Variants in RALYL observed in about 807,000 individuals in gnomAD.
RALYL encodes RNA-binding Raly-like protein.
In RALYL, 29 loss-of-function variants were observed where a neutral mutation model predicts 35.1. The observed-to-expected ratio is 0.83, with a 90% CI of 0.61 to 1.13. The LOEUF (loss-of-function observed/expected upper bound fraction) is 1.13. RALYL is among the 50% of genes most tolerant of loss of function. The probability of loss-of-function intolerance (pLI) is 0.00; values close to 1 mark genes in which losing one functional copy is unlikely to be tolerated. For synonymous variants in RALYL, 120 were observed against 127.6 expected, an observed-to-expected ratio of 0.94 and a Z score of 0.40; for missense variants, 359 against 360.4, an observed-to-expected ratio of 1.00 and a Z score of 0.03.
chr8:84,751,713 C>T (rs922740487), intron 2 of RALYL, among the ~76,000 whole-genome samples: 1 of 152,104 alleles, frequency 6.6e-6, no homozygotes, highest in Admixed American at 6.6e-5. Context: ...CTCCCCACAA[C>T]CTTCCTCCTG....
intron 1 of RALYL, among the ~76,000 whole-genome samples, chr8:84,287,778 T>G (rs183462629): frequency 6.6e-6 from 1 of 152,270 alleles, no homozygotes; most frequent in Non-Finnish European, 1.5e-5. Context: ...ATCCAATCGT[T>G]TCAGGAATTG....
At chr8:84,797,052 T>TA (rs1201276056) in intron 3 of RALYL, among the ~76,000 whole-genome samples, 3 of 152,188 alleles carry the variant, frequency 2.0e-5, no homozygotes, top group Admixed American at 6.5e-5. Context: ...GGATGATTTA[T>TA]AAAAAATGTA....
At chr8:84,828,184 G>T (rs1478573785) in intron 4 of RALYL, among the ~76,000 whole-genome samples, 2 of 151,996 alleles carry the variant, frequency 1.3e-5, no homozygotes, top group Admixed American at 1.3e-4. Flanking sequence ...TTAATTTTAT[G>T]CATATGATAA....
chr8:84,313,768 CA>C (rs1412222986), intron 1 of RALYL, among the ~76,000 whole-genome samples: 1 of 152,142 alleles, frequency 6.6e-6, no homozygotes, highest in African/African-American at 2.4e-5. Flanking sequence ...GCATTTTGGT[CA>C]AAACCATTCA....
At chr8:84,444,199 C>T (rs145298763) in intron 1 of RALYL, among the ~76,000 whole-genome samples, 133 of 152,014 alleles carry the variant, frequency 8.7e-4, no homozygotes, top group Admixed American at 6.8e-3. Flanking sequence ...CATTGTGGTG[C>T]GTGTCTATAG....
chr8:84,856,219 A>G (rs1836948934), intron 5 of RALYL, among the ~76,000 whole-genome samples: 2 of 152,326 alleles, frequency 1.3e-5, no homozygotes, highest in African/African-American at 4.8e-5. Flanking sequence ...TTAAGCTTGG[A>G]TAAGTCATCT....
At chr8:84,375,314 C>T (rs937138714) in intron 1 of RALYL, among the ~76,000 whole-genome samples, 4 of 151,732 alleles carry the variant, frequency 2.6e-5, no homozygotes, top group Non-Finnish European at 5.9e-5. Flanking sequence ...ACAAACTGTC[C>T]TAGTTTCCAG....
At chr8:84,622,991 G>A (rs1821899262) in intron 2 of RALYL, among the ~76,000 whole-genome samples, 1 of 152,086 alleles carries the variant, frequency 6.6e-6, no homozygotes, top group African/African-American at 2.4e-5. Flanking sequence ...ATCTCTTAAG[G>A]CATTGTGCAC....
intron 1 of RALYL, among the ~76,000 whole-genome samples, chr8:84,417,429 A>G (rs2044843167): frequency 6.6e-6 from 1 of 151,896 alleles, no homozygotes; most frequent in Non-Finnish European, 1.5e-5. Context: ...AGCATGGCTT[A>G]TTTTCTTTTC....
At chr8:84,650,821 C>A (rs1351531912) in intron 2 of RALYL, among the ~76,000 whole-genome samples, 1 of 151,878 alleles carries the variant, frequency 6.6e-6, no homozygotes, top group Non-Finnish European at 1.5e-5. Context: ...TGGAACCAAC[C>A]CAAATGTCCA....
chr8:84,620,655 A>G (rs1821130524), intron 2 of RALYL, among the ~76,000 whole-genome samples: 1 of 152,076 alleles, frequency 6.6e-6, no homozygotes, highest in East Asian at 1.9e-4. Context: ...ATTCCTTTGG[A>G]GGAGGAGAGG....
Position 84,862,276 on chromosome 8 carries a change from C to A in RALYL, c.414-20C>A. ...CTCGGGCATCAAACCAACTCTCAGT[C>A]CCATTTGTGTTTTGTAAAGGTTATT... On this transcript the variant is annotated intron_variant, in intron 5 of 8. Coordinates refer to ENST00000521268, the MANE Select transcript of RALYL (RefSeq NM_173848.7). The A allele has an allele frequency of 6.8e-7, 1 of 1,470,012 alleles. No homozygotes were observed. Among genetic ancestry groups the A allele is most frequent in the South Asian group, 1.4e-5 (1 of 69,860 alleles). The allele number at this position is 1,470,012 out of a possible 1,614,324, so 91.1% of individuals were successfully genotyped here. A position where few individuals can be genotyped will look rare whatever the true frequency, so the allele number is the denominator to read the frequency against.
At chr8:84,625,363 A>T (rs1470427860) in intron 2 of RALYL, among the ~76,000 whole-genome samples, 1 of 152,180 alleles carries the variant, frequency 6.6e-6, no homozygotes, top group Non-Finnish European at 1.5e-5. Context: ...CTCCTGTGCT[A>T]AATTTTAGTA....
At chr8:84,822,169 G>C (rs1004077032) in intron 4 of RALYL, among the ~76,000 whole-genome samples, 2 of 152,092 alleles carry the variant, frequency 1.3e-5, no homozygotes, top group Non-Finnish European at 2.9e-5. Context: ...GTATATTATA[G>C]CCCAATTGGA....
chr8:84,642,276 CTTTG>C (rs1293500639), intron 2 of RALYL, among the ~76,000 whole-genome samples: 2 of 151,972 alleles, frequency 1.3e-5, no homozygotes, highest in Non-Finnish European at 2.9e-5. Flanking sequence ...CATAGCTAAA[CTTTG>C]TTTGCCCTGA....
chr8:84,263,879 C>T (rs1832772604), intron 1 of RALYL, among the ~76,000 whole-genome samples: 1 of 152,114 alleles, frequency 6.6e-6, no homozygotes, highest in Non-Finnish European at 1.5e-5. Flanking sequence ...GTTTTCTATT[C>T]CTGCATTAGT....
chr8:84,772,184 T>A (rs1815703508), intron 2 of RALYL, among the ~76,000 whole-genome samples: 1 of 152,142 alleles, frequency 6.6e-6, no homozygotes, highest in Admixed American at 6.6e-5. Context: ...TTTTGTCATA[T>A]ATACGTGTGT....
chr8:84,432,968 C>T (rs2047301990), intron 1 of RALYL, among the ~76,000 whole-genome samples: 1 of 152,110 alleles, frequency 6.6e-6, no homozygotes, highest in African/African-American at 2.4e-5. Flanking sequence ...GTTATGGAAA[C>T]TCTTACACAC....
At chr8:84,279,388 T>G (rs1171949576) in intron 1 of RALYL, among the ~76,000 whole-genome samples, 1 of 152,174 alleles carries the variant, frequency 6.6e-6, no homozygotes, top group African/African-American at 2.4e-5. Context: ...GATGTCCATA[T>G]TAAAGAGTTT....
Sources: gnomAD v4.1 joint callset for allele counts (sites outside exome capture counted in the v4.1 genomes callset) on GRCh38, gnomAD v4.1.1 for gene constraint, MANE v1.5 for transcripts, NCBI Gene and HGNC (gene_info 2026-07-23, HGNC 2026-07-21) for gene names.